Variants in CNTN5 observed in about 807,000 individuals in gnomAD.
CNTN5 encodes contactin 5, also known as contactin-5.
In CNTN5, 77 loss-of-function variants were observed where a neutral mutation model predicts 129.1. That is an observed-to-expected ratio of 0.60 (90% CI 0.50 to 0.72). CNTN5 has a LOEUF of 0.72. Among genes scored for constraint, CNTN5 ranks in the 30% least tolerant of loss-of-function variants. The pLI, the probability that CNTN5 is intolerant of heterozygous loss-of-function variation, is 0.00. For synonymous variants in CNTN5, 509 were observed against 465.6 expected (o/e 1.09, Z -1.20); for missense variants, 1,478 against 1,328.8 (o/e 1.11, Z -1.75).
intron 15 of CNTN5, among the ~76,000 whole-genome samples, chr11:100,201,916 T>C (rs1948787579): frequency 6.6e-6 from 1 of 151,962 alleles, no homozygotes; most frequent in African/African-American, 2.4e-5. Context: ...TCATGCTCAA[T>C]GCATAGAGAT....
chr11:99,662,836 A>C (rs1297893283), intron 3 of CNTN5, among the ~76,000 whole-genome samples: 1 of 152,210 alleles, frequency 6.6e-6, no homozygotes, highest in Non-Finnish European at 1.5e-5. Context: ...CTGATTTAGT[A>C]ACTGCATTTT....
chr11:100,130,737 A>G (rs1946347110), intron 13 of CNTN5, among the ~76,000 whole-genome samples: 1 of 152,110 alleles, frequency 6.6e-6, no homozygotes, highest in Non-Finnish European at 1.5e-5. Flanking sequence ...GGATGAGAGC[A>G]GAATAAATAG....
chr11:99,303,167 C>T (rs1005421694), intron 1 of CNTN5, among the ~76,000 whole-genome samples: 1 of 151,540 alleles, frequency 6.6e-6, no homozygotes, highest in African/African-American at 2.4e-5. Context: ...ATCCAATTGA[C>T]CTTGTATTAC....
intron 3 of CNTN5, among the ~76,000 whole-genome samples, chr11:99,625,945 TAAATC>T (rs1316399314): frequency 1.3e-5 from 2 of 150,122 alleles, no homozygotes; most frequent in African/African-American, 2.5e-5. Context: ...CACACACACA[TAAATC>T]TAATGAAATT....
intron 2 of CNTN5, among the ~76,000 whole-genome samples, chr11:99,363,125 C>A (rs1939225861): frequency 6.6e-6 from 1 of 152,030 alleles, no homozygotes; most frequent in Non-Finnish European, 1.5e-5. Flanking sequence ...ATCTTCTTAA[C>A]AATATTTTCT....
chr11:99,868,255 ACAAT>A (rs1467827491), intron 6 of CNTN5, among the ~76,000 whole-genome samples: 3 of 152,076 alleles, frequency 2.0e-5, no homozygotes, highest in Non-Finnish European at 4.4e-5. Flanking sequence ...TCTACATAAA[ACAAT>A]CAGAGAACAA....
chr11:99,772,745 T>G (rs969788418), intron 3 of CNTN5, among the ~76,000 whole-genome samples: 2 of 152,120 alleles, frequency 1.3e-5, no homozygotes, highest in African/African-American at 4.8e-5. Context: ...TTCCCTGATA[T>G]GCAACCTATA....
chr11:99,925,457 A>T lies in CNTN5; in HGVS notation c.673+9308A>T, dbSNP rs1054714697. ...TGTCCTTTTAACACTCCTTCATTGT[A>T]AACACTCTAACATATAGTATATCCA... On this transcript the variant is annotated intron_variant, in intron 7 of 24. Transcript: ENST00000524871. Among the ~76,000 whole-genome samples the T allele has an allele frequency of 1.8e-4, 27 of 152,312 alleles. 2 individuals carry two copies. Among genetic ancestry groups the T allele is most frequent in the Admixed American group, 1.4e-3 (21 of 15,294 alleles).
At chr11:99,857,309 C>T (rs529943226) in intron 6 of CNTN5, among the ~76,000 whole-genome samples, 9 of 152,182 alleles carry the variant, frequency 5.9e-5, no homozygotes, top group Admixed American at 2.0e-4. Flanking sequence ...TCATAGTCAA[C>T]ACTTGGTGAA....
At chr11:100,311,666 A>G (rs1454860447) in intron 21 of CNTN5, among the ~76,000 whole-genome samples, 1 of 152,016 alleles carries the variant, frequency 6.6e-6, no homozygotes, top group Admixed American at 6.6e-5. Context: ...TCAGAAGCCA[A>G]GAGAAGAATT....
intron 3 of CNTN5, chr11:99,558,186 A>C (rs921590810): frequency 2.1e-5 from 3 of 139,608 alleles, no homozygotes; most frequent in Non-Finnish European, 4.0e-5. Flanking sequence ...TATTTTATTC[A>C]GTGTTGGGTT....
At chr11:99,276,050 C>A (rs1315974263) in intron 1 of CNTN5, among the ~76,000 whole-genome samples, 1 of 151,656 alleles carries the variant, frequency 6.6e-6, no homozygotes, top group African/African-American at 2.4e-5. Flanking sequence ...GTGAGGGAAT[C>A]CTTTGATCCC....
chr11:100,084,123 T>C (rs1415648098), intron 13 of CNTN5, among the ~76,000 whole-genome samples: 1 of 152,138 alleles, frequency 6.6e-6, no homozygotes, highest in Non-Finnish European at 1.5e-5. Flanking sequence ...CCATGGTTCA[T>C]TTACCCCAGT....
intron 3 of CNTN5, among the ~76,000 whole-genome samples, chr11:99,800,777 T>A (rs1389113761): frequency 6.6e-6 from 1 of 152,182 alleles, no homozygotes; most frequent in Non-Finnish European, 1.5e-5. Context: ...TTAACCGATC[T>A]TCCTTAAGTC....
At chr11:100,112,337 G>C (rs1192990756) in intron 13 of CNTN5, among the ~76,000 whole-genome samples, 1 of 152,060 alleles carries the variant, frequency 6.6e-6, no homozygotes, top group Non-Finnish European at 1.5e-5. Context: ...TTTAGATACT[G>C]AGATTCAGAG....
intron 13 of CNTN5, among the ~76,000 whole-genome samples, chr11:100,186,962 T>G (rs1411070982): frequency 6.6e-6 from 1 of 152,168 alleles, no homozygotes; most frequent in African/African-American, 2.4e-5. Flanking sequence ...GGTAAGCATT[T>G]GCAATTTGAA....
chr11:99,438,022 T>C (rs569869063), intron 2 of CNTN5, among the ~76,000 whole-genome samples: 41 of 148,994 alleles, frequency 2.8e-4, no homozygotes, highest in African/African-American at 9.1e-4. Flanking sequence ...TTAGTTAGTA[T>C]AAGAATGTTT....
At chr11:99,756,869 C>A (rs1295473859) in intron 3 of CNTN5, among the ~76,000 whole-genome samples, 2 of 149,044 alleles carry the variant, frequency 1.3e-5, no homozygotes, top group African/African-American at 2.5e-5. Context: ...TTAAAAAATT[C>A]TAAAACTTAA....
At chr11:99,358,387 G>A (rs886680585) in intron 2 of CNTN5, among the ~76,000 whole-genome samples, 23 of 123,940 alleles carry the variant, frequency 1.9e-4, no homozygotes, top group African/African-American at 5.7e-4. Flanking sequence ...CGCGGTGGCC[G>A]AAACCCTGTC....
Sources: allele counts gnomAD v4.1 joint callset (sites outside exome capture counted in the v4.1 genomes callset), GRCh38; gene constraint gnomAD v4.1.1; transcripts MANE v1.5; gene names NCBI Gene and HGNC (gene_info 2026-07-23, HGNC 2026-07-21).